The following SCAF4 variants were observed in gnomAD, a reference collection of about 807,000 sequenced individuals.
SCAF4 encodes SR-related CTD associated factor 4.
Under a neutral mutation model 129.8 loss-of-function variants are expected in SCAF4, and 25 were observed. The observed-to-expected ratio is 0.19, with a 90% CI of 0.14 to 0.27. The LOEUF (loss-of-function observed/expected upper bound fraction) is 0.27, where lower values mean the gene tolerates loss of function less well. Among genes scored for constraint, SCAF4 ranks in the 10% least tolerant of loss-of-function variants. The probability of loss-of-function intolerance (pLI) is 1.00; values close to 1 mark genes in which losing one functional copy is unlikely to be tolerated. For missense variants in SCAF4, 1,246 were observed against 1,457.1 expected (o/e 0.86, Z 2.36); for synonymous variants, 551 against 497.7 (o/e 1.11, Z -1.43).
intron 1 of SCAF4, among the ~76,000 whole-genome samples, chr21:31,727,629 T>C (rs1172928382): frequency 1.3e-5 from 2 of 151,920 alleles, no homozygotes; most frequent in African/African-American, 4.8e-5. Flanking sequence ...CCGTCTCTAC[T>C]AAAAATACAA....
intron 19 of SCAF4, among the ~76,000 whole-genome samples, chr21:31,674,178 T>C (rs1450231144): frequency 1.3e-5 from 2 of 152,004 alleles, no homozygotes; most frequent in East Asian, 3.9e-4. Context: ...AGAGAGAAAA[T>C]GGGCCCTGAT....
Position 31,679,792 on chromosome 21 carries a change from G to GT in SCAF4, c.2488+5256dup, listed in dbSNP as rs942650174. ...AATGATTACCTTTTTTAAATGCTTG[G>GT]TTTTTTCAAAATAATGTACAGTAGG... On this transcript the variant is annotated intron_variant, in intron 19 of 19. Coordinates refer to ENST00000286835, the MANE Select transcript of SCAF4 (RefSeq NM_020706.2). 3.8e-4 allele frequency among the ~76,000 whole-genome samples: 58 copies of GT among 152,158 alleles called. No individual in the cohort carries two copies. In the East Asian group the frequency reaches 3.9e-3, roughly 10 times the overall value.
intron 5 of SCAF4, 59 bp from the exon 6 acceptor site, chr21:31,701,977 T>C: frequency 2.6e-6 from 4 of 1,568,156 alleles, no homozygotes; most frequent in Non-Finnish European, 3.5e-6. Context: ...GTTTTCCTAA[T>C]TAAGCTTCTT....
In SCAF4 at chr21:31,707,959, T is replaced by C. The variant is rs577204599; in HGVS notation, c.31-1602A>G. ...GAAAACAGAGAAAACACTAAGATAT[T>C]AACACAGGATTTCATTTTAATAAAA... On this transcript the variant is annotated intron_variant, in intron 1 of 19. Transcript: ENST00000286835. Among the ~76,000 whole-genome samples the C allele has an allele frequency of 2.1e-3, 325 of 152,332 alleles. 17 individuals carry two copies. The Middle Eastern group carries it at 0.027, about 13-fold the overall frequency.
chr21:31,693,549 T>A, intron 11 of SCAF4, 65 bp from the exon 12 acceptor site: 1 of 1,093,860 alleles, frequency 9.1e-7, no homozygotes, highest in Non-Finnish European at 1.2e-6. Flanking sequence ...TATAAGCACA[T>A]ACTAATTAAA....
chr21:31,686,203 CAA>C (rs761150826), intron 16 of SCAF4, among the ~76,000 whole-genome samples: 9,744 of 75,530 alleles, frequency 0.13, 413 homozygotes, highest in African/African-American at 0.22. Flanking sequence ...ACTTGGTCTT[CAA>C]AAAAAAAAAA....
rs181848165 is a variant in SCAF4, at chr21:31,723,805, G to A, written c.30+7858C>T. On this transcript the variant is annotated intron_variant, in intron 1 of 19. Coordinates refer to ENST00000286835, the MANE Select transcript of SCAF4 (RefSeq NM_020706.2). The stretch of plus-strand genomic sequence containing the variant: ...CACTGCTCTCCGGTCTCTTCCAACT[G>A]GGATTATTGACCCACATGGATTTAC... Among the ~76,000 whole-genome samples, 999 of 152,120 alleles carry A rather than the reference G, an allele frequency of 6.6e-3. 10 individuals are homozygous for A. Among genetic ancestry groups the A allele is most frequent in the African/African-American group, 0.023 (941 of 41,496 alleles).
chr21:31,730,542 A>T (rs2051323884), intron 1 of SCAF4, among the ~76,000 whole-genome samples: 1 of 152,258 alleles, frequency 6.6e-6, no homozygotes, highest in East Asian at 1.9e-4. Flanking sequence ...AAACCTACAA[A>T]ATCTGTGAGA....
chr21:31,725,593 T>C (rs909275478), intron 1 of SCAF4, among the ~76,000 whole-genome samples: 6 of 152,252 alleles, frequency 3.9e-5, no homozygotes. Context: ...ACCTCAGCAC[T>C]GCAGTTCTCA....
At position 31,694,956 on chromosome 21, in the gene SCAF4, T is replaced by C; in HGVS notation, c.1093A>G (p.Met365Val). The C allele has an allele frequency of 6.2e-7, 1 of 1,614,080 alleles. No homozygotes were observed. The highest frequency in any genetic ancestry group is 8.5e-7 in the Non-Finnish European group (1 of 1,179,932). The change falls in exon 10 of 20, where the codon ATG becomes GTG. Residue 365 changes from methionine (M) to valine (V), a missense_variant. This residue lies in a region of SCAF4 where 236 missense variants were observed against 210.0 expected (regional missense o/e 1.12). Transcript: ENST00000286835. ...GTAGGAAGAAGTCCAAATCCTGGCATTTGTCCATTAGGAGGAAGTGGAACC... is the reference window on the plus strand; with the variant it reads ...GTAGGAAGAAGTCCAAATCCTGGCACTTGTCCATTAGGAGGAAGTGGAACC... Reference protein sequence around the residue: ...HQVPLPPNGQMPGFGLLPTPP... With the variant: ...HQVPLPPNGQVPGFGLLPTPP...
chr21:31,675,350 A>G (rs1049850664), intron 19 of SCAF4, among the ~76,000 whole-genome samples: 3 of 152,182 alleles, frequency 2.0e-5, no homozygotes, highest in Admixed American at 6.5e-5. Flanking sequence ...AGTGTATAGG[A>G]TAGCTAAGAG....
At chr21:31,692,675 GTTT>G (rs1004322328) in intron 12 of SCAF4, among the ~76,000 whole-genome samples, 1 of 152,126 alleles carries the variant, frequency 6.6e-6, no homozygotes, top group Admixed American at 6.5e-5. Context: ...GAAAAAACTG[GTTT>G]TTTTGTAGAT....
chr21:31,718,282 T>C (rs910292908), intron 1 of SCAF4, among the ~76,000 whole-genome samples: 1 of 151,848 alleles, frequency 6.6e-6, no homozygotes, highest in Non-Finnish European at 1.5e-5. Context: ...AAAGAAAGTG[T>C]CCCTTTAATT....
chr21:31,696,240 T>C lies in SCAF4; in HGVS notation c.960-19A>G. The C allele has an allele frequency of 1.3e-6, 2 of 1,581,150 alleles. No homozygotes were observed. Among genetic ancestry groups the C allele is most frequent in the East Asian group, 4.5e-5 (2 of 44,698 alleles). ...AAAGCCACTAAAAAAAGGTGGATAA[T>C]CTTTTACCCATTCAAAAGCACAAGC... On this transcript the variant is annotated intron_variant, in intron 8 of 19. Coordinates refer to ENST00000286835, the MANE Select transcript of SCAF4 (RefSeq NM_020706.2).
chr21:31,696,363 T>C (rs2050385935), intron 8 of SCAF4, 142 bp from the exon 9 acceptor site: 1 of 732,492 alleles, frequency 1.4e-6, no homozygotes, highest in Non-Finnish European at 2.1e-6. Flanking sequence ...ATTTAATTTA[T>C]AAACTCAGTA....
At chr21:31,724,852 A>G (rs924969436) in intron 1 of SCAF4, among the ~76,000 whole-genome samples, 2 of 152,194 alleles carry the variant, frequency 1.3e-5, no homozygotes, top group Non-Finnish European at 2.9e-5. Flanking sequence ...TCAATTCCTC[A>G]TGTGTTCATG....
At chr21:31,703,394 TAAC>T (rs2050581034) in intron 4 of SCAF4, among the ~76,000 whole-genome samples, 2 of 152,278 alleles carry the variant, frequency 1.3e-5, no homozygotes, top group South Asian at 4.1e-4. Context: ...ACAGAATTGT[TAAC>T]TATAGGTACA....
At chr21:31,694,451 A>AAAAAAC (rs2123544916) in intron 10 of SCAF4, among the ~76,000 whole-genome samples, 162 bp from the exon 11 acceptor site, 1 of 152,342 alleles carries the variant, frequency 6.6e-6, no homozygotes, top group Non-Finnish European at 1.5e-5. Context: ...CACTGGGAAA[A>AAAAAAC]AAAAACAAAA....
intron 15 of SCAF4, 33 bp downstream of exon 15, chr21:31,690,764 G>A (rs1231788780): frequency 1.9e-6 from 3 of 1,588,706 alleles, no homozygotes; most frequent in Non-Finnish European, 2.6e-6. Flanking sequence ...AAGCAAATAA[G>A]TGAACTGTAA....
Sources: allele counts gnomAD v4.1 joint callset (sites outside exome capture counted in the v4.1 genomes callset), GRCh38; gene constraint gnomAD v4.1.1; regional missense constraint gnomAD v4.1.1; transcripts MANE v1.5; gene names NCBI Gene and HGNC (gene_info 2026-07-23, HGNC 2026-07-21).